Variants in MVP observed in about 807,000 individuals in gnomAD.
MVP encodes the protein lung resistance-related protein.
MVP carries 62 observed loss-of-function variants against 83.5 expected under a neutral mutation model. The observed-to-expected ratio is 0.74, with a 90% CI of 0.61 to 0.92. MVP has a LOEUF of 0.92. MVP is among the 40% of genes least tolerant of loss of function. The pLI is 0.00. For synonymous variants in MVP, 505 were observed against 504.1 expected (o/e 1.00, Z -0.02); for missense variants, 1,000 against 1,203.4 (o/e 0.83, Z 2.50).
intron 10 of MVP, 73 bp downstream of exon 10, chr16:29,842,185 C>T: frequency 6.8e-7 from 1 of 1,476,286 alleles, no homozygotes. Flanking sequence ...GTGGGAGGAT[C>T]ACTTGAGCCT....
At chr16:29,820,713 G>A (rs1900354131) in intron 1 of MVP, among the ~76,000 whole-genome samples, 2 of 152,120 alleles carry the variant, frequency 1.3e-5, no homozygotes, top group African/African-American at 2.4e-5. Context: ...GGAGTCTTCT[G>A]GGTTTTGAAG....
intron 1 of MVP, chr16:29,826,182 A>G (rs2067403545): frequency 6.6e-6 from 1 of 152,268 alleles, no homozygotes; most frequent in Non-Finnish European, 1.5e-5. Flanking sequence ...CTCTGCAGTC[A>G]AACAGTGCAG....
intron 1 of MVP, chr16:29,829,640 AAC>A (rs1367035989): frequency 6.6e-6 from 1 of 152,306 alleles, no homozygotes; most frequent in East Asian, 1.9e-4. Flanking sequence ...CACTGGGTGA[AAC>A]TACTCAGGAT....
intron 1 of MVP, among the ~76,000 whole-genome samples, chr16:29,829,206 G>T (rs1236031730): frequency 6.6e-6 from 1 of 151,488 alleles, no homozygotes; most frequent in African/African-American, 2.4e-5. Context: ...CTCCTCATCG[G>T]CCAGGTGTGA....
At chr16:29,822,443 C>A (rs1217255464) in intron 1 of MVP, 2 of 152,102 alleles carry the variant, frequency 1.3e-5, no homozygotes, top group African/African-American at 2.4e-5. Flanking sequence ...GTCATGTGAC[C>A]CATTCTCTAA....
chr16:29,836,785 GGGGAGGAGT>G lies in MVP; in HGVS notation c.739_747del (p.Glu247_Trp249del). ...CTTCAGGGGAGTGTCCCGCCGCACT[GGGGAGGAGT>G]GGCTGGTAACAGTGCAGGACACAGA... is the stretch of plus-strand genomic sequence containing the variant. On this transcript the variant is annotated inframe_deletion, in exon 7 of 15. Transcript: ENST00000357402. 1 of 1,613,218 alleles carries G rather than the reference GGGGAGGAGT, an allele frequency of 6.2e-7. No homozygotes were observed. Among genetic ancestry groups the G allele is most frequent in the Non-Finnish European group, 8.5e-7 (1 of 1,179,488 alleles).
At chr16:29,836,282 A>C (rs938220329) in intron 6 of MVP, among the ~76,000 whole-genome samples, 8 of 151,732 alleles carry the variant, frequency 5.3e-5, no homozygotes, top group African/African-American at 1.9e-4. Flanking sequence ...AAAAAAAAAA[A>C]AAACAAAGCC....
chr16:29,847,195 A>C lies in MVP; in HGVS notation c.2266-2A>C, dbSNP rs762489576. On this transcript the variant is annotated splice_acceptor_variant, in intron 13 of 14. Transcript: ENST00000357402. LOFTEE classifies it high-confidence loss of function. ...AAGAATGATTGATTTTTCCTCTTCC[A>C]GGAGGCTGAGCTCCAGAGGGTCCAG... 7 of 1,612,702 alleles carry C rather than the reference A, an allele frequency of 4.3e-6. No individual in the cohort carries two copies. Among genetic ancestry groups the C allele is most frequent in the Non-Finnish European group, 5.9e-6 (7 of 1,179,884 alleles).
chr16:29,845,451 C>T (rs1000170079), intron 11 of MVP, among the ~76,000 whole-genome samples: 2 of 152,142 alleles, frequency 1.3e-5, no homozygotes, highest in Non-Finnish European at 2.9e-5. Flanking sequence ...TCCTGCTGCC[C>T]AGAAAGCTTC....
chr16:29,833,559 C>T, intron 3 of MVP, 174 bp from the exon 4 acceptor site: 1 of 692,206 alleles, frequency 1.4e-6, no homozygotes. Context: ...ATCCTCCTAC[C>T]TCAGTCTCCC....
chr16:29,831,906 T>C (rs1211141198), intron 3 of MVP: 2 of 344,214 alleles, frequency 5.8e-6, no homozygotes, highest in Non-Finnish European at 1.1e-5. Context: ...CTTCCACCTT[T>C]ACCTTCTGGC....
intron 3 of MVP, among the ~76,000 whole-genome samples, chr16:29,833,125 A>G (rs1483095306): frequency 6.6e-6 from 1 of 151,748 alleles, no homozygotes; most frequent in Non-Finnish European, 1.5e-5. Context: ...GCCACTCAGG[A>G]GGCTGAGACA....
At chr16:29,846,478 A>G (rs1413772035) in intron 13 of MVP, among the ~76,000 whole-genome samples, 194 bp downstream of exon 13, 2 of 152,210 alleles carry the variant, frequency 1.3e-5, no homozygotes, top group African/African-American at 4.8e-5. Context: ...TAGAACACCC[A>G]TTTTGCAGCT....
At position 29,846,346 on chromosome 16, in the gene MVP, A is replaced by G. The variant is rs182711423; in HGVS notation, c.2265+62A>G. ...GAGTCCTGGAAAAGGCCCATTCCCT[A>G]CAGTCCCTGAGACTGTATAGGACAC... is the stretch of plus-strand genomic sequence containing the variant. On this transcript the variant is annotated intron_variant, in intron 13 of 14. Transcript: ENST00000357402. 3.0e-5 allele frequency: 46 copies of G among 1,513,386 alleles called. No homozygotes were observed. In the African/African-American group the frequency reaches 5.2e-4, roughly 17 times the overall value. The allele number at this position is 1,513,386 out of a possible 1,614,324, so 93.7% of individuals were successfully genotyped here.
At chr16:29,838,922 C>T (rs1386485333) in intron 7 of MVP, among the ~76,000 whole-genome samples, 1 of 152,200 alleles carries the variant, frequency 6.6e-6, no homozygotes, top group African/African-American at 2.4e-5. Flanking sequence ...CGCAGTGGCT[C>T]ACGCCTGTAA....
At chr16:29,837,551 C>T (rs561325303) in intron 7 of MVP, among the ~76,000 whole-genome samples, 2 of 151,856 alleles carry the variant, frequency 1.3e-5, no homozygotes, top group African/African-American at 2.4e-5. Context: ...GTCAGGAGTT[C>T]GAGACTAGCC....
chr16:29,841,615 G>C lies in MVP; in HGVS notation c.1211G>C (p.Ser404Thr), dbSNP rs2067535154. ...CCCAAGGTGCGCGCTGTGATTGGAA[G>C]CACCTACATGCTGACCCAGGACGAA... ...KTGKVRAVIG[S>T]TYMLTQDEVL... The change falls in exon 9 of 15, where the codon AGC becomes ACC. Residue 404 changes from serine to threonine, a missense_variant. Transcript: ENST00000357402. The surrounding 1 kb of genome is among the most constrained non-coding windows in gnomAD (Gnocchi z 4.7). 6.2e-7 allele frequency: 1 copy of C among 1,605,126 alleles called. No homozygotes were observed. Among genetic ancestry groups the C allele is most frequent in the South Asian group, 1.1e-5 (1 of 90,760 alleles).
chr16:29,845,984 G>GT lies in MVP; in HGVS notation c.2138+7dup. ...TTTGGAGCTGGAGGCTCTGAGGTGG[G>GT]TTGAGAACTAGAGGAGGAGACTGGC... On this transcript the variant is annotated splice_donor_region_variant and intron_variant, in intron 12 of 14. Coordinates refer to ENST00000357402, the MANE Select transcript of MVP (RefSeq NM_005115.5). 1 of 1,614,212 alleles carries GT rather than the reference G, an allele frequency of 6.2e-7. No homozygotes were observed. The highest frequency in any genetic ancestry group is 1.3e-5 in the African/African-American group (1 of 75,078).
chr16:29,845,787 G>A (rs1220372386), intron 11 of MVP, 76 bp from the exon 12 acceptor site: 1 of 1,358,910 alleles, frequency 7.4e-7, no homozygotes, highest in Non-Finnish European at 1.0e-6. Context: ...GGTTTGGTTG[G>A]TGGCCGCTGC....
Sources: allele counts gnomAD v4.1 joint callset (sites outside exome capture counted in the v4.1 genomes callset), GRCh38; gene constraint gnomAD v4.1.1; non-coding constraint Gnocchi (gnomAD v3.1); transcripts MANE v1.5; gene names NCBI Gene and HGNC (gene_info 2026-07-23, HGNC 2026-07-21).